Variants in ANKS1A observed in about 807,000 individuals in gnomAD.
The protein encoded by ANKS1A is ankyrin repeat and sterile alpha motif domain containing 1A.
In ANKS1A, 55 loss-of-function variants were observed where a neutral mutation model predicts 120.3. The observed-to-expected ratio is 0.46, with a 90% CI of 0.37 to 0.57. The LOEUF (loss-of-function observed/expected upper bound fraction) is 0.57, where lower values mean the gene tolerates loss of function less well. ANKS1A is among the 20% of genes least tolerant of loss of function. The pLI is 0.00. For missense variants in ANKS1A, 1,123 were observed against 1,480.3 expected, an observed-to-expected ratio of 0.76 and a Z score of 3.96; for synonymous variants, 590 against 604.7, an observed-to-expected ratio of 0.98 and a Z score of 0.36.
At chr6:35,007,823 GCA>G (rs1180954283) in intron 10 of ANKS1A, among the ~76,000 whole-genome samples, 5 of 152,242 alleles carry the variant, frequency 3.3e-5, no homozygotes, top group South Asian at 4.1e-4. Context: ...TTGAGTCTGT[GCA>G]CAGTTTGTGC....
At chr6:34,910,283 GC>G (rs1767843162) in intron 1 of ANKS1A, among the ~76,000 whole-genome samples, 1 of 152,178 alleles carries the variant, frequency 6.6e-6, no homozygotes, top group African/African-American at 2.4e-5. Flanking sequence ...GATATTACAG[GC>G]GGGTCACAGT....
intron 23 of ANKS1A, 30 bp from the exon 24 acceptor site, chr6:35,088,576 T>C (rs749628449): frequency 2.7e-5 from 44 of 1,613,958 alleles, no homozygotes; most frequent in Middle Eastern, 3.3e-4. Context: ...GGTTAACCCT[T>C]TCCTCCCCCC....
chr6:35,070,215 G>A lies in ANKS1A; in HGVS notation c.2185-8343G>A, dbSNP rs969468658. Among the ~76,000 whole-genome samples, 15 of 152,072 alleles carry A rather than the reference G, an allele frequency of 9.9e-5. No individual in the cohort carries two copies. In the East Asian group the frequency reaches 2.3e-3, roughly 24 times the overall value. ...TATGACTGGTATTGGTGGCAGTGTC[G>A]TCATTTTCAGCTCTTGCAGTCTGGT... On this transcript the variant is annotated intron_variant, in intron 13 of 23. Coordinates refer to ENST00000360359, the MANE Select transcript of ANKS1A (RefSeq NM_015245.3).
intron 1 of ANKS1A, among the ~76,000 whole-genome samples, chr6:34,965,792 G>C (rs1770865353): frequency 2.0e-5 from 3 of 151,688 alleles, no homozygotes; most frequent in Admixed American, 1.3e-4. Context: ...TGTCTCTCAG[G>C]CTGGAGTGCA....
intron 10 of ANKS1A, among the ~76,000 whole-genome samples, chr6:35,015,775 T>C (rs1314861017): frequency 6.6e-6 from 1 of 152,204 alleles, no homozygotes; most frequent in Non-Finnish European, 1.5e-5. Context: ...AAGGCTGTTT[T>C]GAAAAAACCA....
intron 11 of ANKS1A, among the ~76,000 whole-genome samples, chr6:35,040,217 GGT>G (rs1235175330): frequency 1.3e-5 from 2 of 152,202 alleles, no homozygotes. Context: ...CAACAAGAAA[GGT>G]TTAGGCCCTG....
In ANKS1A at chr6:35,060,474, G is replaced by C. The variant is rs1776441272; in HGVS notation, c.2184+221G>C. On this transcript the variant is annotated intron_variant, in intron 13 of 23. Transcript: ENST00000360359. This position sits in a 1 kb window ranked among gnomAD's most constrained non-coding sequence, Gnocchi z 4.5. ...TGCCCCAGAAACGGCTCCAGAGGGA[G>C]CTCTCTTTGCAGATCTGCTTCCCAA... Among the ~76,000 whole-genome samples, 1 of 152,168 alleles carries C rather than the reference G, an allele frequency of 6.6e-6. No individual in the cohort carries two copies. The highest frequency in any genetic ancestry group is 2.4e-5 in the African/African-American group (1 of 41,432).
At chr6:34,914,298 A>G (rs1273751518) in intron 1 of ANKS1A, among the ~76,000 whole-genome samples, 3 of 129,712 alleles carry the variant, frequency 2.3e-5, no homozygotes, top group African/African-American at 5.3e-5. Context: ...CATTTAAAAA[A>G]TTCATACAAA....
At chr6:34,923,009 C>T (rs981733897) in intron 1 of ANKS1A, among the ~76,000 whole-genome samples, 5 of 152,068 alleles carry the variant, frequency 3.3e-5, no homozygotes, top group African/African-American at 1.2e-4. Flanking sequence ...ATTTCTTTAG[C>T]CCAGGGGCAA....
chr6:34,937,988 C>T (rs1769342426), intron 1 of ANKS1A, among the ~76,000 whole-genome samples: 1 of 152,150 alleles, frequency 6.6e-6, no homozygotes, highest in Non-Finnish European at 1.5e-5. Flanking sequence ...GCTTCTCCCA[C>T]CCTACCCCAC....
intron 1 of ANKS1A, among the ~76,000 whole-genome samples, chr6:34,896,728 G>A (rs1767105311): frequency 6.6e-6 from 1 of 152,176 alleles, no homozygotes. Flanking sequence ...ACTTTGGGAG[G>A]CTGAGGCGGG....
chr6:34,948,175 A>G (rs1266657514), intron 1 of ANKS1A, among the ~76,000 whole-genome samples: 1 of 151,688 alleles, frequency 6.6e-6, no homozygotes. Context: ...TAATGTTCCA[A>G]AGTAATGTGC....
intron 2 of ANKS1A, among the ~76,000 whole-genome samples, 199 bp downstream of exon 2, chr6:34,967,518 TC>T (rs1770957122): frequency 9.2e-6 from 1 of 108,356 alleles, no homozygotes. Flanking sequence ...AGCCTCCATC[TC>T]CACAAAAAAA....
chr6:34,915,572 C>T (rs1159186820), intron 1 of ANKS1A, among the ~76,000 whole-genome samples: 1 of 152,024 alleles, frequency 6.6e-6, no homozygotes, highest in Non-Finnish European at 1.5e-5. Flanking sequence ...GTCTTAAACT[C>T]CTGGGCTTAA....
intron 7 of ANKS1A, 41 bp from the exon 8 acceptor site, chr6:34,985,041 C>T (rs1218317084): frequency 1.3e-6 from 2 of 1,575,268 alleles, no homozygotes; most frequent in Non-Finnish European, 1.7e-6. Flanking sequence ...TGAGATTCTG[C>T]TCCCCTTCAG....
At chr6:35,079,167 C>T (rs1191975484) in intron 14 of ANKS1A, among the ~76,000 whole-genome samples, 3 of 152,228 alleles carry the variant, frequency 2.0e-5, no homozygotes, top group Admixed American at 1.3e-4. Context: ...GCTTGGGAAG[C>T]GCCCGCTCTG....
At chr6:34,993,750 C>A (rs1772697170) in intron 9 of ANKS1A, among the ~76,000 whole-genome samples, 2 of 152,034 alleles carry the variant, frequency 1.3e-5, no homozygotes, top group Non-Finnish European at 2.9e-5. Flanking sequence ...GGAAGGATTC[C>A]AGTCTTTGGA....
chr6:34,930,988 C>T (rs1167950048), intron 1 of ANKS1A, among the ~76,000 whole-genome samples: 7 of 151,200 alleles, frequency 4.6e-5, no homozygotes, highest in Admixed American at 2.0e-4. Flanking sequence ...GCGATTCTCC[C>T]GCCTCAGCCT....
downstream of ANKS1A, among the ~76,000 whole-genome samples, chr6:35,092,094 C>T (rs960569590): frequency 2.6e-5 from 4 of 152,204 alleles, no homozygotes; most frequent in African/African-American, 4.8e-5. Flanking sequence ...TCATTAGCCC[C>T]ACTCCTTTCC....
Sources: gnomAD v4.1 joint callset for allele counts (sites outside exome capture counted in the v4.1 genomes callset) on GRCh38, gnomAD v4.1.1 for gene constraint, Gnocchi (gnomAD v3.1) non-coding constraint, MANE v1.5 for transcripts, NCBI Gene and HGNC (gene_info 2026-07-23, HGNC 2026-07-21) for gene names.